TRDN: variants seen among roughly 807,000 people sequenced by gnomAD.
The protein encoded by TRDN is triadin, also known as triadin in skeletal muscle.
In TRDN, 161 loss-of-function variants were observed where a neutral mutation model predicts 149.7. The ratio of observed to expected loss-of-function variants is 1.08; its 90% confidence interval spans 0.95 to 1.23. The LOEUF is 1.23. Among genes scored for constraint, TRDN ranks in the 50% most tolerant of loss-of-function variants. The pLI is 0.00. For synonymous variants in TRDN, 294 were observed against 250.5 expected (o/e 1.17, Z -1.64); for missense variants, 896 against 823.5 (o/e 1.09, Z -1.08).
chr6:123,356,519 A>G (rs1350695289), intron 20 of TRDN, among the ~76,000 whole-genome samples: 1 of 24,896 alleles, frequency 4.0e-5, no homozygotes, highest in Admixed American at 5.6e-4. Context: ...ATATATATAT[A>G]TATATATATA....
At chr6:123,347,416 C>T (rs1042778396) in intron 21 of TRDN, among the ~76,000 whole-genome samples, 2 of 151,904 alleles carry the variant, frequency 1.3e-5, no homozygotes, top group Admixed American at 6.6e-5. Flanking sequence ...TTTCTATATC[C>T]TGTGTGCCAT....
At chr6:123,354,138 A>G (rs1426895728) in intron 20 of TRDN, among the ~76,000 whole-genome samples, 1 of 151,828 alleles carries the variant, frequency 6.6e-6, no homozygotes, top group Non-Finnish European at 1.5e-5. Flanking sequence ...AAATTATCAA[A>G]TTCCCTTGAA....
At chr6:123,579,985 T>C (rs907047833) in intron 1 of TRDN, among the ~76,000 whole-genome samples, 3 of 145,598 alleles carry the variant, frequency 2.1e-5, no homozygotes, top group Non-Finnish European at 1.5e-5. Context: ...GAACTGTGAG[T>C]CAATTAAACC....
intron 10 of TRDN, among the ~76,000 whole-genome samples, chr6:123,446,278 C>A (rs1233292737): frequency 2.6e-5 from 4 of 151,804 alleles, no homozygotes; most frequent in Admixed American, 2.6e-4. Context: ...GGAGATATAC[C>A]TAATGCTAGA....
intron 1 of TRDN, among the ~76,000 whole-genome samples, chr6:123,576,007 G>C (rs915076545): frequency 6.6e-6 from 1 of 152,090 alleles, no homozygotes; most frequent in African/African-American, 2.4e-5. Flanking sequence ...TTCACCCTGT[G>C]ATGTGGTTTG....
At chr6:123,239,032 G>T (rs1215143500) in intron 38 of TRDN, among the ~76,000 whole-genome samples, 1 of 151,972 alleles carries the variant, frequency 6.6e-6, no homozygotes, top group Non-Finnish European at 1.5e-5. Flanking sequence ...GTAGAGACAG[G>T]GTTTCACCAT....
At chr6:123,584,465 T>A (rs1317892864) in intron 1 of TRDN, among the ~76,000 whole-genome samples, 1 of 152,038 alleles carries the variant, frequency 6.6e-6, no homozygotes, top group Non-Finnish European at 1.5e-5. Context: ...GGCTCTTGTG[T>A]AAGAATTCTG....
Position 123,337,713 on chromosome 6 carries a change from G to A in TRDN, c.1370-44C>T, listed in dbSNP as rs77979174. ...GAAGAAAAAGTTACAAGGAATAAGA[G>A]AGGAAAAAAATGCAAGTCTCTTCAT... On this transcript the variant is annotated intron_variant, in intron 21 of 40. Transcript: ENST00000334268. 3,508 of 1,240,394 alleles carry A rather than the reference G, an allele frequency of 2.8e-3. 135 individuals carry two copies. The East Asian group carries it at 0.078, about 28-fold the overall frequency. The allele number at this position is 1,240,394 out of a possible 1,614,324, so 76.8% of individuals were successfully genotyped here.
chr6:123,581,846 C>T (rs746394541), intron 1 of TRDN, among the ~76,000 whole-genome samples: 4 of 152,112 alleles, frequency 2.6e-5, no homozygotes, highest in African/African-American at 4.8e-5. Context: ...TGTAAGGAGA[C>T]AATTTCAGAT....
intron 9 of TRDN, among the ~76,000 whole-genome samples, chr6:123,484,354 CAAAT>C (rs948953322): frequency 2.6e-5 from 4 of 152,160 alleles, no homozygotes; most frequent in Non-Finnish European, 5.9e-5. Context: ...CTAGGCCACA[CAAAT>C]AAACCTTAGA....
At chr6:123,483,103 T>TTAC (rs1777830998) in intron 9 of TRDN, among the ~76,000 whole-genome samples, 1 of 146,568 alleles carries the variant, frequency 6.8e-6, no homozygotes, top group Non-Finnish European at 1.5e-5. Context: ...ATTATTATTA[T>TTAC]TATTATTATT....
At chr6:123,503,668 T>G (rs1778795474) in intron 8 of TRDN, 51 bp downstream of exon 8, 1 of 1,609,772 alleles carries the variant, frequency 6.2e-7, no homozygotes, top group Non-Finnish European at 8.5e-7. Flanking sequence ...ATGTGCTTCT[T>G]GCCCAATATT....
chr6:123,322,702 G>A (rs542138997), intron 23 of TRDN, among the ~76,000 whole-genome samples: 57 of 150,996 alleles, frequency 3.8e-4, no homozygotes, highest in South Asian at 2.1e-4. Flanking sequence ...GTGCAGTGGC[G>A]CAATCTCGGC....
chr6:123,464,135 G>A (rs1583079214), intron 10 of TRDN: 1 of 496,170 alleles, frequency 2.0e-6, no homozygotes, highest in Non-Finnish European at 2.6e-6. Context: ...TGACAGAGAA[G>A]GAACTGTTTT....
intron 1 of TRDN, among the ~76,000 whole-genome samples, chr6:123,592,506 A>C (rs1295068538): frequency 6.6e-6 from 1 of 152,182 alleles, no homozygotes; most frequent in Non-Finnish European, 1.5e-5. Flanking sequence ...GACTCTAGGC[A>C]TTGGGACTGT....
intron 12 of TRDN, among the ~76,000 whole-genome samples, chr6:123,394,929 A>G (rs1482798195): frequency 6.6e-6 from 1 of 152,140 alleles, no homozygotes; most frequent in Non-Finnish European, 1.5e-5. Flanking sequence ...AATGGTCTCA[A>G]TTAGTAATTA....
chr6:123,300,720 C>T (rs1257486412), intron 24 of TRDN, among the ~76,000 whole-genome samples: 4 of 151,834 alleles, frequency 2.6e-5, no homozygotes, highest in African/African-American at 9.7e-5. Context: ...GCTAAATGGC[C>T]AATAATAGTG....
chr6:123,443,835 T>A (rs1368171210), intron 10 of TRDN, among the ~76,000 whole-genome samples: 1 of 150,026 alleles, frequency 6.7e-6, no homozygotes, highest in Non-Finnish European at 1.5e-5. Flanking sequence ...GTTATAGATA[T>A]GCGGCGTTAT....
At chr6:123,223,717 C>CTTCCTTCA (rs1775244469) in intron 39 of TRDN, among the ~76,000 whole-genome samples, 3 of 146,732 alleles carry the variant, frequency 2.0e-5, no homozygotes, top group South Asian at 2.1e-4. Context: ...TCCTTCCTTC[C>CTTCCTTCA]TTCCTTCCTT....
Sources: allele counts gnomAD v4.1 joint callset (sites outside exome capture counted in the v4.1 genomes callset), GRCh38; gene constraint gnomAD v4.1.1; transcripts MANE v1.5; gene names NCBI Gene and HGNC (gene_info 2026-07-23, HGNC 2026-07-21).